Variants in GPLD1 observed in about 807,000 individuals in gnomAD.
GPLD1 encodes glycosylphosphatidylinositol specific phospholipase D1.
GPLD1 carries 84 observed loss-of-function variants against 112.6 expected under a neutral mutation model. That is an observed-to-expected ratio of 0.75 (90% CI 0.63 to 0.89). GPLD1 has a LOEUF of 0.89. Among genes scored for constraint, GPLD1 ranks in the 40% least tolerant of loss-of-function variants. GPLD1 has a pLI of 0.00. For missense variants in GPLD1, 1,044 were observed against 1,051.5 expected (o/e 0.99, Z 0.10); for synonymous variants, 386 against 403.8 (o/e 0.96, Z 0.53).
chr6:24,487,566 T>C (rs1764419849), intron 1 of GPLD1, among the ~76,000 whole-genome samples: 2 of 152,228 alleles, frequency 1.3e-5, no homozygotes. Flanking sequence ...AGTATTTCCA[T>C]TTATATTTGT....
chr6:24,475,882 C>CCACACA (rs66807337), intron 4 of GPLD1, among the ~76,000 whole-genome samples: 5 of 150,942 alleles, frequency 3.3e-5, no homozygotes, highest in African/African-American at 1.2e-4. Flanking sequence ...AGAAACAAAA[C>CCACACA]CACACACACA....
chr6:24,473,655 C>T lies in GPLD1; in HGVS notation c.454G>A (p.Gly152Ser), dbSNP rs139020496. 90 of 1,606,744 alleles carry T rather than the reference C, an allele frequency of 5.6e-5. No individual in the cohort carries two copies. Among genetic ancestry groups the T allele is most frequent in the South Asian group, 1.5e-4 (14 of 90,786 alleles). Reference protein sequence around the residue: ...LRTMGAIDFHGSYSEAHSAGD... With the variant: ...LRTMGAIDFHSSYSEAHSAGD... Reference sequence around the variant, plus strand: ...GCCGAATGAGCCTCTGAATAGGAGCCGTGAAAATCAATCTAAGAAAGAAAG... The same window carrying T: ...GCCGAATGAGCCTCTGAATAGGAGCTGTGAAAATCAATCTAAGAAAGAAAG... The change falls in exon 6 of 25, where the codon GGC becomes AGC. Residue 152 changes from glycine to serine, a missense_variant. Physicochemically the swap from Gly to Ser is moderately conservative, Grantham distance 56. Transcript: ENST00000230036.
At chr6:24,474,438 A>G (rs982009256) in intron 5 of GPLD1, among the ~76,000 whole-genome samples, 1 of 152,230 alleles carries the variant, frequency 6.6e-6, no homozygotes, top group African/African-American at 2.4e-5. Context: ...AAAGAGAGAG[A>G]AAAAGTCCAA....
chr6:24,441,482 G>A (rs1054683619), intron 20 of GPLD1, among the ~76,000 whole-genome samples: 22 of 152,162 alleles, frequency 1.4e-4, no homozygotes, highest in African/African-American at 4.6e-4. Context: ...ACTGGGTGGA[G>A]GCCGGTCACA....
At chr6:24,436,193 C>T (rs934706043) in intron 22 of GPLD1, among the ~76,000 whole-genome samples, 13 of 151,750 alleles carry the variant, frequency 8.6e-5, no homozygotes, top group Admixed American at 8.5e-4. Flanking sequence ...GAGTTTGAGG[C>T]TGCAGTGGGC....
At chr6:24,460,518 A>C in intron 11 of GPLD1, 119 bp from the exon 12 acceptor site, 1 of 983,706 alleles carries the variant, frequency 1.0e-6, no homozygotes, top group Non-Finnish European at 1.5e-6. Context: ...TTTTAACGTC[A>C]GAAGGCTGAA....
intron 14 of GPLD1, 53 bp from the exon 15 acceptor site, chr6:24,449,952 G>A: frequency 7.7e-7 from 1 of 1,292,992 alleles, no homozygotes; most frequent in Non-Finnish European, 1.1e-6. Context: ...CTCGGAAAGA[G>A]CACTCCTGAC....
In GPLD1 at chr6:24,427,467, T is replaced by C. The variant is rs75603172; in HGVS notation, c.*1565A>G. ...TAGAACAGCCAACTCTACAAAAGTA[T>C]TGGAGGGCACAGAAGGGTGATAGTC... On this transcript the variant is annotated 3_prime_UTR_variant, in exon 25 of 25. Coordinates refer to ENST00000230036, the MANE Select transcript of GPLD1 (RefSeq NM_001503.4). Among the ~76,000 whole-genome samples the C allele has an allele frequency of 0.12, 18,739 of 152,168 alleles. 1,490 individuals are homozygous for C. Among genetic ancestry groups the C allele is most frequent in the East Asian group, 0.16 (817 of 5,176 alleles).
At chr6:24,489,225 T>G (rs1764483526) in intron 1 of GPLD1, among the ~76,000 whole-genome samples, 190 bp downstream of exon 1, 1 of 152,122 alleles carries the variant, frequency 6.6e-6, no homozygotes, top group South Asian at 2.1e-4. Context: ...GCCCCTTAAC[T>G]GAAGTCATGC....
intron 3 of GPLD1, among the ~76,000 whole-genome samples, chr6:24,477,456 C>T (rs767688762): frequency 1.4e-4 from 22 of 151,956 alleles, no homozygotes; most frequent in African/African-American, 5.1e-4. Flanking sequence ...CAGTAGTGCA[C>T]GCCTATAATC....
Position 24,479,979 on chromosome 6 carries a change from A to C in GPLD1, c.154-20T>G. On this transcript the variant is annotated intron_variant, in intron 2 of 24. Coordinates refer to ENST00000230036, the MANE Select transcript of GPLD1 (RefSeq NM_001503.4). Reference sequence around the variant, plus strand: ...TAACAGCTGCAGAGCAAGAAAATACAGAGATTAAGGGGCAGGAGTCAACAG... The same window carrying C: ...TAACAGCTGCAGAGCAAGAAAATACCGAGATTAAGGGGCAGGAGTCAACAG... The C allele has an allele frequency of 1.3e-6, 2 of 1,516,054 alleles. No homozygotes were observed. Among genetic ancestry groups the C allele is most frequent in the Middle Eastern group, 1.7e-4 (1 of 5,870 alleles). 93.9% of individuals were successfully genotyped at this position (1,516,054 alleles called of 1,614,324 possible). A position where few individuals can be genotyped will look rare whatever the true frequency, so the allele number is the denominator to read the frequency against.
chr6:24,452,489 T>C (rs1353043115), intron 14 of GPLD1, among the ~76,000 whole-genome samples: 1 of 152,024 alleles, frequency 6.6e-6, no homozygotes, highest in Non-Finnish European at 1.5e-5. Context: ...TGAAAGCGTG[T>C]TCATGGCTGG....
intron 20 of GPLD1, among the ~76,000 whole-genome samples, chr6:24,444,332 T>TA (rs1227420029): frequency 6.6e-6 from 1 of 151,530 alleles, no homozygotes; most frequent in Admixed American, 6.6e-5. Context: ...AAGATATAAG[T>TA]AAAAAAATTA....
intron 24 of GPLD1, among the ~76,000 whole-genome samples, chr6:24,430,216 T>TC (rs1339231488): frequency 1.1e-4 from 16 of 152,358 alleles, no homozygotes; most frequent in East Asian, 1.9e-4. Flanking sequence ...ATGGAATTAC[T>TC]CATTTACTAA....
chr6:24,480,971 C>G (rs188264565), intron 2 of GPLD1, among the ~76,000 whole-genome samples: 10 of 152,336 alleles, frequency 6.6e-5, no homozygotes, highest in Admixed American at 5.2e-4. Context: ...GAGTACAGGA[C>G]AACCATATTG....
chr6:24,472,798 G>A (rs529205900), intron 6 of GPLD1, among the ~76,000 whole-genome samples, 162 bp from the exon 7 acceptor site: 9 of 149,568 alleles, frequency 6.0e-5, no homozygotes, highest in South Asian at 2.1e-4. Flanking sequence ...TTTTTTAGAC[G>A]GAGTTTTGCT....
In GPLD1 at chr6:24,470,968, CAA is replaced by C. The variant is rs146187131; in HGVS notation, c.545+1612_545+1613del. ...AATAAACACTTAATCAAAATTCCAG[CAA>C]AGTTTTTCTTGGAACATGACAACTT... On this transcript the variant is annotated intron_variant, in intron 7 of 24. Coordinates refer to ENST00000230036, the MANE Select transcript of GPLD1 (RefSeq NM_001503.4). Among the ~76,000 whole-genome samples the C allele has an allele frequency of 1.4e-4, 21 of 152,216 alleles. No homozygotes were observed. In the East Asian group the frequency reaches 4.0e-3, roughly 29 times the overall value.
chr6:24,463,156 C>T lies in GPLD1; in HGVS notation c.822-361G>A, dbSNP rs1168881285. Among the ~76,000 whole-genome samples, 5 of 151,666 alleles carry T rather than the reference C, an allele frequency of 3.3e-5. No homozygotes were observed. The South Asian group carries it at 6.3e-4, about 19-fold the overall frequency. On this transcript the variant is annotated intron_variant, in intron 10 of 24. Transcript: ENST00000230036. ...TTCTGCCCAATTATACACATTTATG[C>T]CTAAATGTGTCTGAATTTCTCAATT...
At chr6:24,435,246 T>C (rs1055384670) in intron 22 of GPLD1, among the ~76,000 whole-genome samples, 110 of 147,060 alleles carry the variant, frequency 7.5e-4, no homozygotes, top group African/African-American at 2.4e-3. Flanking sequence ...CTTCTGACCT[T>C]GTGATCCGCC....
Sources: gnomAD v4.1 joint callset for allele counts (sites outside exome capture counted in the v4.1 genomes callset) on GRCh38, gnomAD v4.1.1 for gene constraint, MANE v1.5 for transcripts, NCBI Gene and HGNC (gene_info 2026-07-23, HGNC 2026-07-21) for gene names.